The following UTY variants were observed in gnomAD, a reference collection of about 807,000 sequenced individuals.
UTY encodes histone demethylase UTY.
Under a neutral mutation model 32.5 loss-of-function variants are expected in UTY, and 12 were observed. The observed-to-expected ratio is 0.37, with a 90% CI of 0.24 to 0.60. UTY has a LOEUF of 0.60. Among genes scored for constraint, UTY ranks in the 20% least tolerant of loss-of-function variants. The pLI is 0.69. For synonymous variants in UTY, 131 were observed against 103.4 expected, an observed-to-expected ratio of 1.27 and a Z score of -1.62; for missense variants, 303 against 299.2, an observed-to-expected ratio of 1.01 and a Z score of -0.09.
intron 28 of UTY, among the ~76,000 whole-genome samples, chrY:13,259,350 C>T (rs967502028): frequency 2.9e-5 from 1 of 33,960 alleles, no homozygotes; most frequent in South Asian, 6.4e-4. Context: ...TCTCCCCAGC[C>T]GAGCTAGACT....
intron 4 of UTY, among the ~76,000 whole-genome samples, chrY:13,444,324 T>C: frequency 6.0e-5 from 2 of 33,385 alleles, no homozygotes; most frequent in African/African-American, 2.4e-4. Context: ...AACAACTATA[T>C]ACTCAAAAAC....
chrY:13,379,612 G>C (rs2065768632), intron 8 of UTY, among the ~76,000 whole-genome samples: 1 of 27,622 alleles, frequency 3.6e-5, no homozygotes. Flanking sequence ...CAAATTACAG[G>C]AGCTCAGCAT....
chrY:13,435,173 GAAAAT>G (rs2074419931), intron 4 of UTY, among the ~76,000 whole-genome samples: 1 of 32,859 alleles, frequency 3.0e-5, no homozygotes, highest in Non-Finnish European at 7.5e-5. Flanking sequence ...TCTGTGGAAG[GAAAAT>G]AAAATAAAAT....
chrY:13,479,016 T>G, intron 2 of UTY: 1 of 117,737 alleles, frequency 8.5e-6, no homozygotes, highest in Non-Finnish European at 1.6e-5. Flanking sequence ...AGGCATGTGG[T>G]GTAGACCCGG....
At chrY:13,245,613 C>T, downstream of UTY, among the ~76,000 whole-genome samples, 1 of 34,282 alleles carries the variant, frequency 2.9e-5, no homozygotes, top group Non-Finnish European at 7.3e-5. Context: ...CCTTTACTTC[C>T]ATTCCACAAA....
chrY:13,434,679 C>A, intron 4 of UTY, among the ~76,000 whole-genome samples: 1 of 33,752 alleles, frequency 3.0e-5, no homozygotes, highest in Non-Finnish European at 7.3e-5. Flanking sequence ...ATAAAACACA[C>A]ATTAAAAGAC....
chrY:13,377,855 C>G, intron 8 of UTY, among the ~76,000 whole-genome samples: 3 of 33,529 alleles, frequency 8.9e-5, no homozygotes, highest in African/African-American at 3.5e-4. Context: ...AAAGACTTTT[C>G]AACATAAATT....
chrY:13,375,110 T>C (rs2065300469), intron 8 of UTY, among the ~76,000 whole-genome samples: 1 of 34,208 alleles, frequency 2.9e-5, no homozygotes, highest in Non-Finnish European at 7.3e-5. Context: ...GTTATAGTTT[T>C]TGAATTTCTA....
downstream of UTY, among the ~76,000 whole-genome samples, chrY:13,243,444 A>G (rs2053924375): frequency 3.1e-5 from 1 of 32,391 alleles, no homozygotes; most frequent in African/African-American, 1.2e-4. Flanking sequence ...GCCAACAAAA[A>G]CAAAAATAAA....
chrY:13,370,732 AT>A (rs2064820090), intron 8 of UTY, among the ~76,000 whole-genome samples: 1 of 32,946 alleles, frequency 3.0e-5, no homozygotes, highest in Non-Finnish European at 7.4e-5. Flanking sequence ...GCATGACAAA[AT>A]GTATCACTTT....
At chrY:13,365,428 A>G (rs2064023513) in intron 10 of UTY, among the ~76,000 whole-genome samples, 1 of 30,621 alleles carries the variant, frequency 3.3e-5, no homozygotes, top group Non-Finnish European at 7.8e-5. Context: ...AAAAAAAAAA[A>G]AGAAAAGAAA....
intron 14 of UTY, chrY:13,358,257 T>C (rs957423558): frequency 2.4e-5 from 5 of 206,864 alleles, no homozygotes; most frequent in Non-Finnish European, 2.9e-5. Flanking sequence ...GTGTTAAAAT[T>C]GTAAAAGCAG....
Position 13,366,287 on chromosome Y carries a change from T to C in UTY, c.846A>G (p.Gln282=). The C allele has an allele frequency of 1.0e-5, 4 of 394,848 alleles. No homozygotes were observed. The highest frequency in any genetic ancestry group is 1.4e-5 in the Non-Finnish European group (4 of 281,423). ...CTCACCTTCCAAGAAAATACCACGA[T>C]TGGCCAGAATTAGGATCTGCCTCCA... The part of the protein sequence containing the change: ...KSLEADPNSG[Q]SWYFLGRCYS... The change falls in exon 10 of 30, where the codon CAA becomes CAG. Residue 282 remains glutamine, a synonymous_variant. Transcript: ENST00000545955.
At chrY:13,253,941 T>C in intron 28 of UTY, among the ~76,000 whole-genome samples, 1 of 32,934 alleles carries the variant, frequency 3.0e-5, no homozygotes, top group Non-Finnish European at 7.4e-5. Context: ...TAGAGGAGTG[T>C]GCATTAGAGC....
At chrY:13,272,667 T>C in intron 27 of UTY, among the ~76,000 whole-genome samples, 1 of 34,220 alleles carries the variant, frequency 2.9e-5, no homozygotes, top group Non-Finnish European at 7.3e-5. Context: ...CTTTAAATGA[T>C]AGTCAAAGGA....
chrY:13,342,567 C>G, intron 17 of UTY, among the ~76,000 whole-genome samples: 1 of 34,121 alleles, frequency 2.9e-5, no homozygotes, highest in Non-Finnish European at 7.3e-5. Context: ...ATACTTGGAC[C>G]AAACTCCCCC....
chrY:13,400,465 A>C (rs376867187), intron 6 of UTY, among the ~76,000 whole-genome samples: 2 of 33,335 alleles, frequency 6.0e-5, no homozygotes, highest in Non-Finnish European at 1.5e-4. Context: ...ACACTTTGGA[A>C]AACTAACTTC....
At chrY:13,384,655 C>T (rs2066509448) in intron 8 of UTY, among the ~76,000 whole-genome samples, 1 of 32,228 alleles carries the variant, frequency 3.1e-5, no homozygotes, top group Admixed American at 2.8e-4. Context: ...AGAGTGAGAC[C>T]AAATCTCAAA....
At chrY:13,251,225 A>G in intron 28 of UTY, 38 bp from the exon 29 acceptor site, 2 of 283,605 alleles carry the variant, frequency 7.1e-6, no homozygotes, top group South Asian at 4.9e-5. Context: ...AGTATTGGAC[A>G]GTGATATCTG....
Sources: allele counts gnomAD v4.1 joint callset (sites outside exome capture counted in the v4.1 genomes callset), GRCh38; gene constraint gnomAD v4.1.1; transcripts MANE v1.5; gene names NCBI Gene and HGNC (gene_info 2026-07-23, HGNC 2026-07-21).